CST11: variants seen among roughly 807,000 people sequenced by gnomAD.
The protein encoded by CST11 is cystatin 11.
CST11 carries 13 observed loss-of-function variants against 14.0 expected under a neutral mutation model. The ratio of observed to expected loss-of-function variants is 0.93; its 90% confidence interval spans 0.60 to 1.47. The LOEUF is 1.47. Among genes scored for constraint, CST11 ranks in the 40% most tolerant of loss-of-function variants. CST11 has a pLI of 0.00. For synonymous variants in CST11, 64 were observed against 57.8 expected, an observed-to-expected ratio of 1.11 and a Z score of -0.48; for missense variants, 181 against 160.0, an observed-to-expected ratio of 1.13 and a Z score of -0.71.
intron 2 of CST11, among the ~76,000 whole-genome samples, chr20:23,451,275 C>G (rs1453896032): frequency 6.9e-6 from 1 of 145,526 alleles, no homozygotes; most frequent in Non-Finnish European, 1.5e-5. Context: ...CCTGTTGGAG[C>G]TGGAGCTGCC....
At position 23,451,939 on chromosome 20, in the gene CST11, G is replaced by A. The variant is rs766275966; in HGVS notation, c.229-19C>T. On this transcript the variant is annotated intron_variant, in intron 1 of 2. Coordinates refer to ENST00000377009, the MANE Select transcript of CST11 (RefSeq NM_130794.2). ...CAGTGACCTGTGGGCGCCAGGCGTG[G>A]GGGAGGCACAGCTTGTCCCCTTCTC... The A allele has an allele frequency of 1.3e-5, 20 of 1,585,006 alleles. No homozygotes were observed. Among genetic ancestry groups the A allele is most frequent in the Non-Finnish European group, 1.7e-6 (2 of 1,154,608 alleles).
chr20:23,452,014 G>C (rs1987106370), intron 1 of CST11, 94 bp from the exon 2 acceptor site: 3 of 854,196 alleles, frequency 3.5e-6, no homozygotes, highest in Non-Finnish European at 5.9e-6. Flanking sequence ...CACGTCCAAG[G>C]GCAAGGAGCT....
At position 23,450,572 on chromosome 20, in the gene CST11, G is replaced by C; in HGVS notation, c.351C>G (p.Phe117Leu). The change falls in exon 3 of 3, where the codon TTC becomes TTG. Residue 117 changes from phenylalanine to leucine, a missense_variant. Physicochemically the swap from Phe to Leu is conservative, Grantham distance 22. Transcript: ENST00000377009. ...CAAACCAGGGTACAGCAAACACTGAGAAGAAGCAGTTGACTTGCTAAAACA... is the reference window on the plus strand; with the variant it reads ...CAAACCAGGGTACAGCAAACACTGACAAGAAGCAGTTGACTTGCTAAAACA... ...RELHKQVNCF[F>L]SVFAVPWFEQ... is the part of the protein sequence containing the mutation. The C allele has an allele frequency of 1.2e-6, 2 of 1,609,538 alleles. No individual in the cohort carries two copies. Among genetic ancestry groups the C allele is most frequent in the Non-Finnish European group, 1.7e-6 (2 of 1,176,926 alleles).
intron 2 of CST11, among the ~76,000 whole-genome samples, chr20:23,451,036 C>T (rs1180945422): frequency 6.6e-6 from 1 of 152,144 alleles, no homozygotes; most frequent in Non-Finnish European, 1.5e-5. Flanking sequence ...ATCCCCCATC[C>T]ATCCATTTAC....
Position 23,452,032 on chromosome 20 carries a change from G to C in CST11, c.229-112C>G, listed in dbSNP as rs6137953. On this transcript the variant is annotated intron_variant, in intron 1 of 2. Coordinates refer to ENST00000377009, the MANE Select transcript of CST11 (RefSeq NM_130794.2). ...GTCCAAGGGCAAGGAGCTGGTCCTA[G>C]GCGGATTAGCGGGCTCCTCTCTCCT... is the stretch of plus-strand genomic sequence containing the variant. 3 of 703,088 alleles carry C rather than the reference G, an allele frequency of 4.3e-6. No homozygotes were observed. In the African/African-American group the frequency reaches 5.4e-5, roughly 13 times the overall value. 43.6% of individuals were successfully genotyped at this position (703,088 alleles called of 1,614,324 possible).
chr20:23,451,954 G>T, intron 1 of CST11, 34 bp from the exon 2 acceptor site: 1 of 1,507,094 alleles, frequency 6.6e-7, no homozygotes. Flanking sequence ...GGCACAGCTT[G>T]TCCCCTTCTC....
At chr20:23,451,055 C>T (rs1343566508) in intron 2 of CST11, among the ~76,000 whole-genome samples, 2 of 152,120 alleles carry the variant, frequency 1.3e-5, no homozygotes, top group African/African-American at 2.4e-5. Context: ...ACCCATCTGT[C>T]GACCCATCAA....
intron 2 of CST11, 38 bp downstream of exon 2, chr20:23,451,778 A>G: frequency 2.1e-6 from 3 of 1,450,540 alleles, no homozygotes; most frequent in Non-Finnish European, 2.9e-6. Flanking sequence ...CTCACTGAAA[A>G]GGACTTCTGT....
intron 2 of CST11, among the ~76,000 whole-genome samples, chr20:23,451,269 T>A (rs932452989): frequency 1.3e-5 from 2 of 149,510 alleles, no homozygotes; most frequent in Admixed American, 6.6e-5. Flanking sequence ...TGAAGGCCTG[T>A]TGGAGCTGGA....
chr20:23,452,578 A>G lies in CST11; in HGVS notation c.228+6T>C. ...CCTGGGGAGAGGCGGGAAGTCATAC[A>G]CTCACCTGCCTCTGGACTTTAAGGA... On this transcript the variant is annotated splice_donor_region_variant and intron_variant, in intron 1 of 2. Transcript: ENST00000377009. The G allele has an allele frequency of 1.3e-6, 2 of 1,588,628 alleles. No individual in the cohort carries two copies. Among genetic ancestry groups the G allele is most frequent in the Non-Finnish European group, 1.7e-6 (2 of 1,156,970 alleles).
At chr20:23,452,215 A>G (rs1044905194) in intron 1 of CST11, among the ~76,000 whole-genome samples, 1 of 152,238 alleles carries the variant, frequency 6.6e-6, no homozygotes, top group African/African-American at 2.4e-5. Flanking sequence ...AAAGGGCTAC[A>G]TAGTAAACAT....
rs759707925 is a variant in CST11 at position 23,450,562 on chromosome 20, C to G, written c.361G>C (p.Ala121Pro). 6 of 1,610,656 alleles carry G rather than the reference C, an allele frequency of 3.7e-6. No homozygotes were observed. The East Asian group carries it at 1.1e-4, about 30-fold the overall frequency. ...TTGTACTGTTCAAACCAGGGTACAG[C>G]AAACACTGAGAAGAAGCAGTTGACT... ...KQVNCFFSVF[A>P]VPWFEQYKIL... is the part of the protein sequence containing the mutation. Residue 121 changes from alanine to proline, a missense_variant, in exon 3 of 3, where the codon GCT becomes CCT. Transcript: ENST00000377009.
chr20:23,450,770 G>A (rs764770351), intron 2 of CST11, among the ~76,000 whole-genome samples, 181 bp from the exon 3 acceptor site: 5 of 152,118 alleles, frequency 3.3e-5, no homozygotes, highest in Admixed American at 1.3e-4. Context: ...ACTATCAAGC[G>A]GCTGAAATCA....
Position 23,452,667 on chromosome 20 carries a change from G to A in CST11, c.145C>T (p.Gln49Ter). Residue 49 changes from glutamine (Q) to a stop codon, truncating the protein, a stop_gained, in exon 1 of 3, where the codon CAG becomes TAG. Transcript: ENST00000377009. LOFTEE classifies it high-confidence loss of function. Reference sequence around the variant, plus strand: ...TTGTTATACTGGTCGGTGATCCACTGCAAGCTGTCCTTCGCATAGTTTTCT... The same window carrying A: ...TTGTTATACTGGTCGGTGATCCACTACAAGCTGTCCTTCGCATAGTTTTCT... ...AVENYAKDSL[Q>*]WITDQYNKES... 1 of 1,613,956 alleles carries A rather than the reference G, an allele frequency of 6.2e-7. No homozygotes were observed. The highest frequency in any genetic ancestry group is 1.1e-5 in the South Asian group (1 of 91,076).
intron 1 of CST11, among the ~76,000 whole-genome samples, chr20:23,452,358 G>A (rs1010074718): frequency 1.3e-5 from 2 of 152,218 alleles, no homozygotes; most frequent in African/African-American, 2.4e-5. Context: ...AAAAGTGGGC[G>A]GCAGGCAGTT....
In CST11 at chr20:23,452,838, G is replaced by T; in HGVS notation, c.-27C>A. ...CTTCAGCTGCAGAGGAACAGGAAGA[G>T]TGTTCTCTGTACTCCTCAGGGACAA... is the stretch of plus-strand genomic sequence containing the variant. On this transcript the variant is annotated 5_prime_UTR_variant, in exon 1 of 3. Transcript: ENST00000377009. 1 of 1,555,700 alleles carries T rather than the reference G, an allele frequency of 6.4e-7. No homozygotes were observed. Among genetic ancestry groups the T allele is most frequent in the Non-Finnish European group, 8.8e-7 (1 of 1,131,236 alleles).
Position 23,450,473 on chromosome 20 carries a change from A to G in CST11, c.*33T>C, listed in dbSNP as rs1987054624. 1 of 1,430,912 alleles carries G rather than the reference A, an allele frequency of 7.0e-7. No individual in the cohort carries two copies. Among genetic ancestry groups the G allele is most frequent in the Non-Finnish European group, 9.7e-7 (1 of 1,032,722 alleles). 88.6% of individuals were successfully genotyped at this position (1,430,912 alleles called of 1,614,324 possible). On this transcript the variant is annotated 3_prime_UTR_variant, in exon 3 of 3. Coordinates refer to ENST00000377009, the MANE Select transcript of CST11 (RefSeq NM_130794.2). ...ATTGCCCATTGCAGGATTCTCTCAC[A>G]TGCAGTGGCCGCAGTTGTACACTCC...
rs1347646773 is a variant in CST11 at position 23,452,749 on chromosome 20, G to C, written c.63C>G (p.Ala21=). ...LLLAILLTLM[A]LPYQARKKTF... ...TTTTCTTCCTTGCTTGGTAGGGGAG[G>C]GCCATCAGAGTCAATAGAATGGCCA... Residue 21 remains alanine, a synonymous_variant, in exon 1 of 3, where the codon GCC becomes GCG. Transcript: ENST00000377009. The C allele has an allele frequency of 6.2e-7, 1 of 1,614,020 alleles. No individual in the cohort carries two copies. Among genetic ancestry groups the C allele is most frequent in the Non-Finnish European group, 8.5e-7 (1 of 1,180,024 alleles).
Position 23,452,568 on chromosome 20 carries a change from G to C in CST11, c.228+16C>G. Reference sequence around the variant, plus strand: ...GCGTATCAGGCCTGGGGAGAGGCGGGAAGTCATACACTCACCTGCCTCTGG... The same window carrying C: ...GCGTATCAGGCCTGGGGAGAGGCGGCAAGTCATACACTCACCTGCCTCTGG... On this transcript the variant is annotated intron_variant, in intron 1 of 2. Coordinates refer to ENST00000377009, the MANE Select transcript of CST11 (RefSeq NM_130794.2). 1 of 1,533,980 alleles carries C rather than the reference G, an allele frequency of 6.5e-7. No individual in the cohort carries two copies. The highest frequency in any genetic ancestry group is 9.0e-7 in the Non-Finnish European group (1 of 1,106,952).
Sources: gnomAD v4.1 joint callset for allele counts (sites outside exome capture counted in the v4.1 genomes callset) on GRCh38, gnomAD v4.1.1 for gene constraint, MANE v1.5 for transcripts, NCBI Gene and HGNC (gene_info 2026-07-23, HGNC 2026-07-21) for gene names.